The following COPG2 variants were observed in gnomAD, a reference collection of about 807,000 sequenced individuals.
COPG2 encodes the protein coatomer subunit gamma-2.
COPG2 carries 37 observed loss-of-function variants against 46.3 expected under a neutral mutation model. That is an observed-to-expected ratio of 0.80 (90% confidence interval 0.61 to 1.05). COPG2 has a LOEUF of 1.05. Ranked by LOEUF, COPG2 falls within the 50% of genes least tolerant of loss-of-function variation. The pLI, the probability that COPG2 is intolerant of heterozygous loss-of-function variation, is 0.00. For synonymous variants in COPG2, 159 were observed against 129.7 expected, an observed-to-expected ratio of 1.23 and a Z score of -1.53; for missense variants, 427 against 387.8, an observed-to-expected ratio of 1.10 and a Z score of -0.85.
At chr7:130,655,545 T>C (rs1034064898) in intron 4 of COPG2, among the ~76,000 whole-genome samples, 10 of 152,268 alleles carry the variant, frequency 6.6e-5, no homozygotes, top group Non-Finnish European at 1.0e-4. Context: ...CAACAGATCA[T>C]GGAATCCCTC....
intron 5 of COPG2, among the ~76,000 whole-genome samples, chr7:130,629,898 C>T (rs1199625926): frequency 6.6e-6 from 1 of 151,442 alleles, no homozygotes; most frequent in South Asian, 2.1e-4. Context: ...TAATTACTAG[C>T]ATTTTGTTTC....
intron 9 of COPG2, among the ~76,000 whole-genome samples, chr7:130,575,206 C>G (rs1240208973): frequency 6.6e-6 from 1 of 152,110 alleles, no homozygotes; most frequent in African/African-American, 2.4e-5. Context: ...ACAAAGAACA[C>G]CTGGGAAATT....
intron 12 of COPG2, among the ~76,000 whole-genome samples, chr7:130,557,045 A>G (rs1793638540): frequency 6.6e-6 from 1 of 152,212 alleles, no homozygotes; most frequent in Admixed American, 6.5e-5. Context: ...CAAAGAAACA[A>G]GAATCGGAGA....
At chr7:130,577,363 G>T (rs36075260) in intron 9 of COPG2, among the ~76,000 whole-genome samples, 29,417 of 152,182 alleles carry the variant, frequency 0.19, 3,030 homozygotes, top group Middle Eastern at 0.25. Context: ...CTTGGGAAGC[G>T]CAAGGGTCAG....
At chr7:130,543,782 G>C (rs1341292595) in intron 20 of COPG2, among the ~76,000 whole-genome samples, 6 of 152,190 alleles carry the variant, frequency 3.9e-5, no homozygotes, top group Non-Finnish European at 4.4e-5. Flanking sequence ...GTTGCATTCT[G>C]TAGAGATAGG....
At chr7:130,603,819 G>A (rs1554450784) in intron 9 of COPG2, 7 of 518,550 alleles carry the variant, frequency 1.3e-5, no homozygotes, top group Admixed American at 9.7e-5. Flanking sequence ...GGGGTTAACA[G>A]TGCCAACCCC....
At chr7:130,616,072 T>C (rs369596639) in intron 6 of COPG2, among the ~76,000 whole-genome samples, 1 of 152,324 alleles carries the variant, frequency 6.6e-6, no homozygotes, top group East Asian at 1.9e-4. Flanking sequence ...CTCAAGGCTT[T>C]TTCTGGCTCT....
At chr7:130,534,693 C>G (rs1242190577) in intron 20 of COPG2, among the ~76,000 whole-genome samples, 2 of 152,054 alleles carry the variant, frequency 1.3e-5, no homozygotes, top group African/African-American at 4.8e-5. Context: ...GGACGGAGGC[C>G]AGAACCTGTG....
chr7:130,645,387 C>T (rs921271993), intron 5 of COPG2: 13 of 537,318 alleles, frequency 2.4e-5, no homozygotes, highest in African/African-American at 1.9e-4. Flanking sequence ...CCTCCAGGAC[C>T]GACTCCATGG....
chr7:130,507,168 CAT>C, intron 23 of COPG2, 104 bp downstream of exon 23: 1 of 719,818 alleles, frequency 1.4e-6, no homozygotes, highest in Non-Finnish European at 2.6e-6. Context: ...AATTGTTACT[CAT>C]ATAATGGGAT....
intron 4 of COPG2, among the ~76,000 whole-genome samples, chr7:130,657,321 T>C (rs921006714): frequency 5.9e-5 from 9 of 151,972 alleles, no homozygotes; most frequent in South Asian, 4.1e-4. Context: ...GAAGAGGCAG[T>C]GGATGGAGGA....
At chr7:130,638,538 A>G (rs1554456723) in intron 5 of COPG2, among the ~76,000 whole-genome samples, 1 of 151,996 alleles carries the variant, frequency 6.6e-6, no homozygotes, top group East Asian at 1.9e-4. Context: ...GCGGAAAACC[A>G]CCTACTCAAG....
intron 20 of COPG2, among the ~76,000 whole-genome samples, chr7:130,530,866 G>T (rs999627848): frequency 6.6e-6 from 1 of 151,834 alleles, no homozygotes; most frequent in Non-Finnish European, 1.5e-5. Context: ...GAAGGGGCAG[G>T]TCCCAGAGTA....
chr7:130,515,330 G>C (rs1799670293), intron 20 of COPG2, among the ~76,000 whole-genome samples: 1 of 151,984 alleles, frequency 6.6e-6, no homozygotes, highest in African/African-American at 2.4e-5. Context: ...GAGAAAGATA[G>C]AGAGTGGGAG....
intron 9 of COPG2, among the ~76,000 whole-genome samples, chr7:130,569,072 C>T (rs1021268383): frequency 6.6e-6 from 1 of 152,064 alleles, no homozygotes; most frequent in East Asian, 1.9e-4. Context: ...GAGGAAAGTT[C>T]ATACTACTAA....
In COPG2 at chr7:130,507,363, T is replaced by C. The variant is rs1799513428; in HGVS notation, c.2396A>G (p.Asn799Ser). Residue 799 changes from asparagine (N) to serine (S), a missense_variant, in exon 23 of 24, where the codon AAC becomes AGC. Asn to Ser is a conservative substitution (Grantham distance 46). Coordinates refer to ENST00000425248, the MANE Select transcript of COPG2 (RefSeq NM_012133.6). ...SSTKTLEEAVNNIITFLGMQP... is the reference protein window; with the variant it reads ...SSTKTLEEAVSNIITFLGMQP... ...CATGCCCAGAAATGTGATGATATTGTTGACAGCCTCTGTGTTGAGAAGATG... is the reference window on the plus strand; with the variant it reads ...CATGCCCAGAAATGTGATGATATTGCTGACAGCCTCTGTGTTGAGAAGATG... 1 of 780,672 alleles carries C rather than the reference T, an allele frequency of 1.3e-6. No individual in the cohort carries two copies. The highest frequency in any genetic ancestry group is 1.7e-5 in the Admixed American group (1 of 59,036). 48.4% of individuals were successfully genotyped at this position (780,672 alleles called of 1,614,324 possible).
intron 4 of COPG2, 66 bp downstream of exon 4, chr7:130,662,901 T>G: frequency 1.1e-6 from 1 of 941,018 alleles, no homozygotes; most frequent in South Asian, 1.5e-5. Flanking sequence ...TAGAACACTC[T>G]TAGTTCCCTG....
intron 5 of COPG2, among the ~76,000 whole-genome samples, chr7:130,621,602 G>A (rs782313724): frequency 1.3e-5 from 2 of 151,912 alleles, no homozygotes; most frequent in African/African-American, 4.8e-5. Context: ...TGAGGTCAGG[G>A]GTTCAAGACC....
intron 20 of COPG2, among the ~76,000 whole-genome samples, chr7:130,517,965 A>C (rs1799692754): frequency 6.6e-6 from 1 of 151,882 alleles, no homozygotes; most frequent in African/African-American, 2.4e-5. Context: ...GGTGAAGAGC[A>C]GCGAAGGCCT....
Sources: allele counts gnomAD v4.1 joint callset (sites outside exome capture counted in the v4.1 genomes callset), GRCh38; gene constraint gnomAD v4.1.1; transcripts MANE v1.5; gene names NCBI Gene and HGNC (gene_info 2026-07-23, HGNC 2026-07-21).